The following GLYATL3 variants were observed in gnomAD, a reference collection of about 807,000 sequenced individuals.
GLYATL3 encodes glycine-N-acyltransferase like 3, also known as glycine N-acyltransferase-like protein 3.
In GLYATL3, 31 loss-of-function variants were observed where a neutral mutation model predicts 28.5. The observed-to-expected ratio is 1.09, with a 90% CI of 0.82 to 1.47. The LOEUF is 1.47. Ranked by LOEUF, GLYATL3 falls within the 40% of genes most tolerant of loss-of-function variation. The pLI is 0.00. For missense variants in GLYATL3, 369 were observed against 351.5 expected (o/e 1.05, Z -0.40); for synonymous variants, 141 against 140.2 (o/e 1.01, Z -0.04).
At chr6:49,521,429 A>T (rs1769314056) in intron 4 of GLYATL3, among the ~76,000 whole-genome samples, 1 of 152,190 alleles carries the variant, frequency 6.6e-6, no homozygotes, top group South Asian at 2.1e-4. Context: ...GAGTGGTCCC[A>T]ATGGGCAACA....
intron 2 of GLYATL3, 39 bp downstream of exon 2, chr6:49,512,107 G>T: frequency 1.1e-6 from 1 of 925,908 alleles, no homozygotes; most frequent in African/African-American, 1.6e-5. Context: ...TTTCTTTATT[G>T]TGTTAATCTG....
At chr6:49,510,890 C>T (rs1217000562) in intron 1 of GLYATL3, among the ~76,000 whole-genome samples, 3 of 152,196 alleles carry the variant, frequency 2.0e-5, no homozygotes, top group Non-Finnish European at 4.4e-5. Flanking sequence ...GGTTCAGGCT[C>T]ACATAAACCT....
At position 49,506,925 on chromosome 6, in the gene GLYATL3, A is replaced by C. The variant is rs748154845; in HGVS notation, c.-28-5038A>C. Reference sequence around the variant, plus strand: ...AAAGAAGGGGTCCCGGAGTGTTGAAAGAAACAGTAGGCTTAGAATAGGGGA... The same window carrying C: ...AAAGAAGGGGTCCCGGAGTGTTGAACGAAACAGTAGGCTTAGAATAGGGGA... On this transcript the variant is annotated intron_variant, in intron 1 of 5. Transcript: ENST00000371197. Among the ~76,000 whole-genome samples, 3 of 152,128 alleles carry C rather than the reference A, an allele frequency of 2.0e-5. No homozygotes were observed. In the South Asian group the frequency reaches 6.2e-4, roughly 32 times the overall value.
intron 5 of GLYATL3, among the ~76,000 whole-genome samples, chr6:49,522,444 C>T (rs1269414677): frequency 6.6e-6 from 1 of 152,128 alleles, no homozygotes; most frequent in African/African-American, 2.4e-5. Context: ...CTTTCTGAGT[C>T]TCAATTTCTT....
rs548770627 is a variant in GLYATL3 at position 49,524,998 on chromosome 6, A to ACATTT, written c.441-1488_441-1484dup. 1.2e-3 allele frequency among the ~76,000 whole-genome samples: 185 copies of ACATTT among 150,822 alleles called. 1 individual carries two copies. The highest frequency in any genetic ancestry group is 4.3e-3 in the African/African-American group (176 of 41,128). On this transcript the variant is annotated intron_variant, in intron 5 of 5. Coordinates refer to ENST00000371197, the MANE Select transcript of GLYATL3 (RefSeq NM_001010904.2). ...AAAAAAAAAAAAAAAAAAAGAACAAACATTTCTAAAGCATGCACATATGCT... is the reference window on the plus strand; with the variant it reads ...AAAAAAAAAAAAAAAAAAAGAACAAACATTTCATTTCTAAAGCATGCACATATGCT...
intron 2 of GLYATL3, among the ~76,000 whole-genome samples, chr6:49,512,575 G>C (rs1194634362): frequency 6.6e-6 from 1 of 152,052 alleles, no homozygotes; most frequent in Non-Finnish European, 1.5e-5. Context: ...TAGCAGAAGG[G>C]TATGGACTAG....
intron 1 of GLYATL3, among the ~76,000 whole-genome samples, chr6:49,502,295 A>G (rs1447730492): frequency 6.6e-6 from 1 of 152,214 alleles, no homozygotes; most frequent in Non-Finnish European, 1.5e-5. Context: ...GATTTTACCC[A>G]TTGAATGGGG....
chr6:49,502,091 A>G (rs1453394382), intron 1 of GLYATL3, among the ~76,000 whole-genome samples: 1 of 152,118 alleles, frequency 6.6e-6, no homozygotes, highest in Non-Finnish European at 1.5e-5. Flanking sequence ...TTCATCTTTT[A>G]CTCCATAGCA....
intron 2 of GLYATL3, among the ~76,000 whole-genome samples, chr6:49,514,126 G>A (rs1211632629): frequency 1.3e-5 from 2 of 152,130 alleles, no homozygotes; most frequent in African/African-American, 4.8e-5. Context: ...CACTACTACA[G>A]AGAAAGAAAA....
At chr6:49,509,049 G>T (rs2127431679) in intron 1 of GLYATL3, among the ~76,000 whole-genome samples, 2 of 152,128 alleles carry the variant, frequency 1.3e-5, no homozygotes, top group South Asian at 4.2e-4. Context: ...TGGCATAAGT[G>T]AAAAACAAGT....
At chr6:49,513,334 C>A (rs1166579996) in intron 2 of GLYATL3, among the ~76,000 whole-genome samples, 2 of 152,036 alleles carry the variant, frequency 1.3e-5, no homozygotes, top group Non-Finnish European at 2.9e-5. Context: ...TAGCCACACC[C>A]CCTCAACTCA....
intron 1 of GLYATL3, 60 bp from the exon 2 acceptor site, chr6:49,511,903 T>G: frequency 1.5e-6 from 1 of 655,818 alleles, no homozygotes; most frequent in Non-Finnish European, 2.6e-6. Flanking sequence ...AGAAAACTCC[T>G]AAATAGATCC....
At chr6:49,516,726 C>T (rs752191903) in intron 3 of GLYATL3, among the ~76,000 whole-genome samples, 7 of 151,936 alleles carry the variant, frequency 4.6e-5, no homozygotes, top group Non-Finnish European at 7.4e-5. Context: ...CCCCAGAGTC[C>T]GAGACTACAG....
At chr6:49,504,682 T>C (rs1345100814) in intron 1 of GLYATL3, among the ~76,000 whole-genome samples, 1 of 152,194 alleles carries the variant, frequency 6.6e-6, no homozygotes, top group South Asian at 2.1e-4. Context: ...ACCTTGGCCT[T>C]GTGGGTTATA....
chr6:49,517,895 AATCCTTTTCT>A (rs1769246253), intron 4 of GLYATL3, among the ~76,000 whole-genome samples: 1 of 152,164 alleles, frequency 6.6e-6, no homozygotes, highest in Non-Finnish European at 1.5e-5. Flanking sequence ...TATTGGTTTT[AATCCTTTTCT>A]ATCACATTTT....
At chr6:49,522,997 A>G (rs77248880) in intron 5 of GLYATL3, among the ~76,000 whole-genome samples, 1 of 152,094 alleles carries the variant, frequency 6.6e-6, no homozygotes, top group Admixed American at 6.6e-5. Context: ...TAAAAAAAAA[A>G]CACCCACTAT....
chr6:49,502,132 C>T (rs954694230), intron 1 of GLYATL3, among the ~76,000 whole-genome samples: 6 of 152,222 alleles, frequency 3.9e-5, no homozygotes, highest in Admixed American at 6.5e-5. Context: ...TACATCTCCT[C>T]CTTTTCTCTG....
intron 1 of GLYATL3, among the ~76,000 whole-genome samples, chr6:49,503,871 C>G (rs990497290): frequency 6.6e-6 from 1 of 152,060 alleles, no homozygotes; most frequent in Non-Finnish European, 1.5e-5. Context: ...TTTGTGGGTC[C>G]CAGGCACAAA....
chr6:49,504,240 CT>C (rs59768534), intron 1 of GLYATL3, among the ~76,000 whole-genome samples: 70,663 of 139,120 alleles, frequency 0.51, 18,727 homozygotes, highest in Non-Finnish European at 0.62. Context: ...TTTTCTTTTT[CT>C]TTTTTTTTTT....
Sources: allele counts gnomAD v4.1 joint callset (sites outside exome capture counted in the v4.1 genomes callset), GRCh38; gene constraint gnomAD v4.1.1; transcripts MANE v1.5; gene names NCBI Gene and HGNC (gene_info 2026-07-23, HGNC 2026-07-21).